The following CEP63 variants were observed in gnomAD, a reference collection of about 807,000 sequenced individuals.
The protein encoded by CEP63 is centrosomal protein 63, also known as centrosomal protein of 63 kDa.
A neutral mutation model predicts 89.1 loss-of-function variants in CEP63; 84 were observed. The ratio of observed to expected loss-of-function variants is 0.94; its 90% CI spans 0.79 to 1.13. The LOEUF (loss-of-function observed/expected upper bound fraction) is 1.13, where lower values mean the gene tolerates loss of function less well. Among genes scored for constraint, CEP63 ranks in the 50% most tolerant of loss-of-function variants. The pLI is 0.00. For synonymous variants in CEP63, 267 were observed against 272.5 expected (o/e 0.98, Z 0.20); for missense variants, 838 against 813.3 (o/e 1.03, Z -0.37).
Position 134,564,339 on chromosome 3 carries a change from G to T in CEP63, c.*2804G>T, listed in dbSNP as rs1038582961. The T allele has an allele frequency of 5.8e-5, 57 of 985,308 alleles. No homozygotes were observed. The highest frequency in any genetic ancestry group is 6.6e-5 in the Non-Finnish European group (55 of 829,974). 61.0% of individuals were successfully genotyped at this position (985,308 alleles called of 1,614,324 possible). A position where few individuals can be genotyped will look rare whatever the true frequency, so the allele number is the denominator to read the frequency against. ...GTCTCCTCTTCCCACACCCTGTCATGTGCTCCTAAAACTCCCCCTTTACTT... is the reference window on the plus strand; with the variant it reads ...GTCTCCTCTTCCCACACCCTGTCATTTGCTCCTAAAACTCCCCCTTTACTT... On this transcript the variant is annotated 3_prime_UTR_variant, in exon 15 of 15. Transcript: ENST00000675561.
At chr3:134,773,100 C>T in the CEP63 span, among the ~76,000 whole-genome samples, 1 of 152,202 alleles carries the variant, frequency 6.6e-6, no homozygotes, top group Admixed American at 6.5e-5. Context: ...ATCAGCTGCC[C>T]TGTGCTTGTA....
At chr3:134,708,737 CA>C in the CEP63 span, among the ~76,000 whole-genome samples, 1 of 152,154 alleles carries the variant, frequency 6.6e-6, no homozygotes, top group Non-Finnish European at 1.5e-5. Flanking sequence ...CTTTTGCCCC[CA>C]AATGATAAAG....
chr3:134,553,957 A>T (rs964716208), intron 12 of CEP63, among the ~76,000 whole-genome samples: 1 of 152,140 alleles, frequency 6.6e-6, no homozygotes, highest in African/African-American at 2.4e-5. Context: ...TTAATTTTTG[A>T]TTTTATGAAT....
intron 2 of CEP63, among the ~76,000 whole-genome samples, chr3:134,503,144 G>A (rs1450680237): frequency 2.1e-5 from 3 of 140,460 alleles, no homozygotes; most frequent in African/African-American, 5.4e-5. Context: ...TTTGATGTAG[G>A]CATCTATTGC....
intron 5 of CEP63, among the ~76,000 whole-genome samples, chr3:134,533,371 C>T (rs1160545484): frequency 3.9e-5 from 6 of 152,130 alleles, no homozygotes; most frequent in African/African-American, 1.2e-4. Flanking sequence ...ATCTCAAGCA[C>T]CTAATAAAGT....
chr3:134,734,434 G>A, the CEP63 span, among the ~76,000 whole-genome samples: 3 of 152,076 alleles, frequency 2.0e-5, no homozygotes, highest in South Asian at 6.2e-4. Context: ...ATTAAACGTT[G>A]TTCTTTGGAA....
chr3:134,630,342 A>T, the CEP63 span, among the ~76,000 whole-genome samples: 2 of 152,272 alleles, frequency 1.3e-5, no homozygotes, highest in East Asian at 3.8e-4. Context: ...TGGAGCAAGC[A>T]TAACTATTTT....
At chr3:134,650,945 C>A in the CEP63 span, 1 of 1,613,322 alleles carries the variant, frequency 6.2e-7, no homozygotes, top group Non-Finnish European at 8.5e-7. Context: ...GCGTTGATGT[C>A]CTTCTTCAGC....
At chr3:134,673,609 G>A in the CEP63 span, among the ~76,000 whole-genome samples, 1 of 152,084 alleles carries the variant, frequency 6.6e-6, no homozygotes, top group Non-Finnish European at 1.5e-5. Context: ...CTGGGCCCTT[G>A]GTGCTGCCCT....
At chr3:134,610,339 C>T in the CEP63 span, 1 of 1,613,696 alleles carries the variant, frequency 6.2e-7, no homozygotes, top group Non-Finnish European at 8.5e-7. Context: ...GTAGCCGAAA[C>T]CCTTGGAGTA....
the CEP63 span, among the ~76,000 whole-genome samples, chr3:134,769,459 C>G: frequency 6.6e-6 from 1 of 152,206 alleles, no homozygotes; most frequent in African/African-American, 2.4e-5. Context: ...TAACAGCTGC[C>G]TAAGACTGCA....
At chr3:134,736,064 T>A in the CEP63 span, among the ~76,000 whole-genome samples, 3 of 152,112 alleles carry the variant, frequency 2.0e-5, no homozygotes, top group Admixed American at 2.0e-4. Context: ...AAATACAATA[T>A]GATCAAGTTA....
the CEP63 span, among the ~76,000 whole-genome samples, chr3:134,656,689 G>A: frequency 6.6e-6 from 1 of 152,168 alleles, no homozygotes. Flanking sequence ...GTGCCTGGGT[G>A]AAGTGGGGAA....
At chr3:134,593,512 G>T in the CEP63 span, among the ~76,000 whole-genome samples, 4 of 152,122 alleles carry the variant, frequency 2.6e-5, no homozygotes, top group African/African-American at 9.7e-5. Flanking sequence ...CCAGGTGTGT[G>T]CTCTTAGCTG....
chr3:134,723,233 C>T, the CEP63 span, among the ~76,000 whole-genome samples: 1 of 152,294 alleles, frequency 6.6e-6, no homozygotes, highest in East Asian at 1.9e-4. Context: ...ATGTTTCACC[C>T]TTGACTTTGA....
chr3:134,620,986 C>A, the CEP63 span: 2 of 645,920 alleles, frequency 3.1e-6, no homozygotes, highest in East Asian at 2.8e-5. Flanking sequence ...TCCTGAGGGG[C>A]AAAGGCTGGC....
chr3:134,647,468 T>A, the CEP63 span: 1 of 1,612,598 alleles, frequency 6.2e-7, no homozygotes, highest in Non-Finnish European at 8.5e-7. Flanking sequence ...TTCTGCCATC[T>A]TCGGACTCCA....
chr3:134,760,071 T>TTTTG, the CEP63 span, among the ~76,000 whole-genome samples: 1 of 150,696 alleles, frequency 6.6e-6, no homozygotes, highest in Non-Finnish European at 1.5e-5. Context: ...TTTTTTTTTT[T>TTTTG]TTTTTGAGAC....
At chr3:134,628,240 G>A in the CEP63 span, 188 of 183,156 alleles carry the variant, frequency 1.0e-3, no homozygotes, top group Middle Eastern at 2.5e-3. Context: ...AAAGCAGTTC[G>A]TGTGAAGGTC....
Sources: allele counts gnomAD v4.1 joint callset (sites outside exome capture counted in the v4.1 genomes callset), GRCh38; gene constraint gnomAD v4.1.1; transcripts MANE v1.5; gene names NCBI Gene and HGNC (gene_info 2026-07-23, HGNC 2026-07-21).